The following ANO2 variants were observed in gnomAD, a reference collection of about 807,000 sequenced individuals.
The protein encoded by ANO2 is anoctamin-2.
ANO2 carries 101 observed loss-of-function variants against 124.2 expected under a neutral mutation model. The observed-to-expected ratio is 0.81, with a 90% confidence interval of 0.69 to 0.96. ANO2 has a LOEUF of 0.96. Among genes scored for constraint, ANO2 ranks in the 40% least tolerant of loss-of-function variants. The pLI, the probability that ANO2 is intolerant of heterozygous loss-of-function variation, is 0.00. For missense variants in ANO2, 1,293 were observed against 1,274.5 expected, an observed-to-expected ratio of 1.01 and a Z score of -0.22; for synonymous variants, 486 against 482.5, an observed-to-expected ratio of 1.01 and a Z score of -0.09.
intron 16 of ANO2, among the ~76,000 whole-genome samples, chr12:5,619,630 C>T (rs1169944361): frequency 2.6e-5 from 4 of 152,192 alleles, no homozygotes; most frequent in Non-Finnish European, 5.9e-5. Context: ...CTGTGAGGTC[C>T]TCTGCTCTCT....
chr12:5,615,321 T>C, intron 16 of ANO2, 24 bp from the exon 17 acceptor site: 2 of 1,580,328 alleles, frequency 1.3e-6, no homozygotes, highest in Non-Finnish European at 1.7e-6. Context: ...GCGAGGCTGA[T>C]GAGATTGGGG....
At chr12:5,803,321 C>A (rs1354537285) in intron 9 of ANO2, among the ~76,000 whole-genome samples, 1 of 152,106 alleles carries the variant, frequency 6.6e-6, no homozygotes, top group Non-Finnish European at 1.5e-5. Flanking sequence ...TCAGTTGGAA[C>A]CAAGAAGAAA....
chr12:5,640,767 C>G (rs898334259), intron 15 of ANO2, among the ~76,000 whole-genome samples: 2 of 152,202 alleles, frequency 1.3e-5, no homozygotes, highest in East Asian at 3.8e-4. Context: ...CACTTTTACA[C>G]TGTTGGTGGG....
intron 15 of ANO2, among the ~76,000 whole-genome samples, chr12:5,647,482 C>A (rs923521155): frequency 6.6e-6 from 1 of 152,146 alleles, no homozygotes; most frequent in Non-Finnish European, 1.5e-5. Context: ...ATTCCTTCTC[C>A]AAGTTTTTGG....
At chr12:5,592,135 G>A (rs1943424417) in intron 20 of ANO2, among the ~76,000 whole-genome samples, 2 of 152,182 alleles carry the variant, frequency 1.3e-5, no homozygotes, top group Non-Finnish European at 2.9e-5. Flanking sequence ...GTGGCCCACA[G>A]GTCATGGGAT....
chr12:5,588,535 TG>T (rs1408777768), intron 20 of ANO2, among the ~76,000 whole-genome samples: 1 of 152,228 alleles, frequency 6.6e-6, no homozygotes, highest in African/African-American at 2.4e-5. Context: ...TCAACTAGGA[TG>T]TATGAACCAT....
intron 3 of ANO2, among the ~76,000 whole-genome samples, chr12:5,884,757 G>A (rs2137303270): frequency 6.6e-6 from 1 of 152,296 alleles, no homozygotes; most frequent in East Asian, 1.9e-4. Context: ...TAGACCATCT[G>A]AACAGAAAAT....
chr12:5,790,691 A>G (rs1952671872), intron 10 of ANO2, among the ~76,000 whole-genome samples: 1 of 152,126 alleles, frequency 6.6e-6, no homozygotes, highest in Non-Finnish European at 1.5e-5. Flanking sequence ...ACCTGCTGGA[A>G]GCTACTTGAT....
At chr12:5,714,593 G>A (rs958075700) in intron 14 of ANO2, among the ~76,000 whole-genome samples, 2 of 152,206 alleles carry the variant, frequency 1.3e-5, no homozygotes, top group Non-Finnish European at 2.9e-5. Context: ...TATTGCTATT[G>A]TTGTAATAGT....
intron 16 of ANO2, among the ~76,000 whole-genome samples, chr12:5,625,872 G>T (rs1394642244): frequency 6.6e-6 from 1 of 152,168 alleles, no homozygotes; most frequent in Non-Finnish European, 1.5e-5. Context: ...CTGTCTAAGA[G>T]TCCCCAGATA....
At chr12:5,917,565 CTTTTT>C (rs1275136752) in intron 3 of ANO2, among the ~76,000 whole-genome samples, 2 of 100,624 alleles carry the variant, frequency 2.0e-5, no homozygotes, top group African/African-American at 3.3e-5. Flanking sequence ...TCTCTTTTTT[CTTTTT>C]TTTTTTTTTT....
chr12:5,590,002 C>T (rs1190919071), intron 20 of ANO2, among the ~76,000 whole-genome samples: 2 of 151,726 alleles, frequency 1.3e-5, no homozygotes, highest in Middle Eastern at 3.4e-3. Context: ...AGTGGCGAGA[C>T]GGTGGTGGCT....
chr12:5,649,022 A>T (rs1033317721), intron 14 of ANO2, among the ~76,000 whole-genome samples: 1 of 152,202 alleles, frequency 6.6e-6, no homozygotes, highest in Non-Finnish European at 1.5e-5. Flanking sequence ...CCCACTGTGC[A>T]TTGATCTTGG....
rs758509410 is a variant in ANO2, at chr12:5,922,707, C to A, written c.120G>T (p.Met40Ile). The change falls in exon 2 of 25, where the codon ATG (methionine) becomes ATT (isoleucine). Residue 40 changes from methionine (M) to isoleucine (I), a missense_variant. Coordinates refer to ENST00000682330, the MANE Select transcript of ANO2 (RefSeq NM_001364791.2). Reference sequence around the variant, plus strand: ...GCAGACCTGGGGCCCGGGGACCTGGCATCTTGAGACACTGCTGTCCATGTT... The same window carrying A: ...GCAGACCTGGGGCCCGGGGACCTGGAATCTTGAGACACTGCTGTCCATGTT... ...GPKHGQQCLK[M>I]PGPRAPGLQG... 4 of 1,596,180 alleles carry A rather than the reference C, an allele frequency of 2.5e-6. No individual in the cohort carries two copies. The highest frequency in any genetic ancestry group is 3.4e-6 in the Non-Finnish European group (4 of 1,172,894).
At chr12:5,801,721 A>G (rs1213614262) in intron 9 of ANO2, among the ~76,000 whole-genome samples, 1 of 152,246 alleles carries the variant, frequency 6.6e-6, no homozygotes, top group Non-Finnish European at 1.5e-5. Context: ...GAGGAAACCC[A>G]GATACAAAAG....
At chr12:5,665,601 C>T (rs1947663283) in intron 14 of ANO2, among the ~76,000 whole-genome samples, 1 of 152,184 alleles carries the variant, frequency 6.6e-6, no homozygotes, top group Non-Finnish European at 1.5e-5. Context: ...CCACCTGGAG[C>T]CAGGACCCAG....
chr12:5,593,416 A>G (rs1212274147), intron 20 of ANO2, among the ~76,000 whole-genome samples: 1 of 152,234 alleles, frequency 6.6e-6, no homozygotes, highest in African/African-American at 2.4e-5. Context: ...ACTTGTCAAT[A>G]GAGCCCTGAG....
chr12:5,665,229 T>C (rs71459961), intron 14 of ANO2, among the ~76,000 whole-genome samples: 5,620 of 152,260 alleles, frequency 0.037, 167 homozygotes, highest in Non-Finnish European at 0.057. Flanking sequence ...CCTTAAGAGA[T>C]GGCTGCTGCC....
At chr12:5,640,415 T>C (rs530528792) in intron 15 of ANO2, among the ~76,000 whole-genome samples, 37 of 152,280 alleles carry the variant, frequency 2.4e-4, no homozygotes, top group African/African-American at 8.9e-4. Flanking sequence ...GTCCTTTTTC[T>C]TTAGAAAACA....
Sources: allele counts gnomAD v4.1 joint callset (sites outside exome capture counted in the v4.1 genomes callset), GRCh38; gene constraint gnomAD v4.1.1; transcripts MANE v1.5; gene names NCBI Gene and HGNC (gene_info 2026-07-23, HGNC 2026-07-21).